MTMR6: variants seen among roughly 807,000 people sequenced by gnomAD.
The protein encoded by MTMR6 is myotubularin related protein 6.
MTMR6 carries 47 observed loss-of-function variants against 80.1 expected under a neutral mutation model. The ratio of observed to expected loss-of-function variants is 0.59; its 90% CI spans 0.46 to 0.75. The LOEUF (loss-of-function observed/expected upper bound fraction) is 0.75, where lower values mean the gene tolerates loss of function less well. Among genes scored for constraint, MTMR6 ranks in the 30% least tolerant of loss-of-function variants. MTMR6 has a pLI of 0.00. For missense variants in MTMR6, 629 were observed against 730.9 expected, an observed-to-expected ratio of 0.86 and a Z score of 1.61; for synonymous variants, 254 against 253.0, an observed-to-expected ratio of 1.00 and a Z score of -0.04.
chr13:25,254,650 G>A (rs74041002), intron 9 of MTMR6, among the ~76,000 whole-genome samples: 3,612 of 152,166 alleles, frequency 0.024, 155 homozygotes, highest in African/African-American at 0.083. Flanking sequence ...GAGTAGTTTC[G>A]TGACTTAAAT....
rs1191699282 is a variant in MTMR6 at position 25,253,790 on chromosome 13, A to G, written c.1320T>C (p.Asn440=). Reference sequence around the variant, plus strand: ...TGAGCTCTTCTCTTTCCTTCTGACAATTTCCAAGGAAGTTTCCAAACTGGC... The same window carrying G: ...TGAGCTCTTCTCTTTCCTTCTGACAGTTTCCAAGGAAGTTTCCAAACTGGC... ...HSCQFGNFLG[N]CQKEREELKL... Residue 440 remains asparagine (N), a synonymous_variant, in exon 11 of 14, where the codon AAT becomes AAC. Transcript: ENST00000381801. The G allele has an allele frequency of 6.2e-7, 1 of 1,613,938 alleles. No individual in the cohort carries two copies. Among genetic ancestry groups the G allele is most frequent in the Admixed American group, 1.7e-5 (1 of 59,990 alleles).
chr13:25,264,770 A>G (rs1037333480), intron 5 of MTMR6, among the ~76,000 whole-genome samples: 6 of 150,238 alleles, frequency 4.0e-5, no homozygotes, highest in Non-Finnish European at 7.4e-5. Context: ...AAAAAAAAAA[A>G]AAAAAGAAAT....
intron 1 of MTMR6, among the ~76,000 whole-genome samples, chr13:25,286,447 TGTC>T (rs1373609632): frequency 6.6e-6 from 1 of 152,212 alleles, no homozygotes; most frequent in Non-Finnish European, 1.5e-5. Flanking sequence ...TAAACTTAAA[TGTC>T]GTTGGAAACG....
At chr13:25,278,006 T>C (rs1003272311) in intron 1 of MTMR6, among the ~76,000 whole-genome samples, 5 of 152,230 alleles carry the variant, frequency 3.3e-5, no homozygotes, top group Non-Finnish European at 5.9e-5. Flanking sequence ...GCTGTTCATA[T>C]GAATCACCTC....
chr13:25,251,868 A>C lies in MTMR6; in HGVS notation c.1463T>G (p.Val488Gly), dbSNP rs1177235355. The stretch of plus-strand genomic sequence containing the variant: ...GTCAACTTACTTAAAATTGAAAGAT[A>C]CTGTATTTGGCTCCAAAACTGTAAA... The part of the protein sequence containing the change: ...HRFTVLEPNT[V>G]SFNFKFWRNM... The change falls in exon 12 of 14, where the codon GTA (valine) becomes GGA (glycine). Residue 488 changes from valine (V) to glycine (G), a missense_variant. By Grantham distance (109) the Val-to-Gly change is moderately radical (BLOSUM62 -3). Transcript: ENST00000381801. This position sits in a 1 kb window ranked among gnomAD's most constrained non-coding sequence, Gnocchi z 4.1. 6.2e-7 allele frequency: 1 copy of C among 1,608,006 alleles called. No homozygotes were observed. The highest frequency in any genetic ancestry group is 8.5e-7 in the Non-Finnish European group (1 of 1,178,422).
chr13:25,252,930 T>C (rs1409193237), intron 11 of MTMR6, among the ~76,000 whole-genome samples: 3 of 152,188 alleles, frequency 2.0e-5, no homozygotes, highest in Non-Finnish European at 2.9e-5. Context: ...AGCATGTGGC[T>C]ATCTTCAAAT....
At position 25,250,009 on chromosome 13, in the gene MTMR6, C is replaced by T. The variant is rs575264450; in HGVS notation, c.1606-517G>A. Among the ~76,000 whole-genome samples the T allele has an allele frequency of 1.4e-3, 208 of 152,264 alleles. 1 individual carries two copies. The highest frequency in any genetic ancestry group is 4.9e-3 in the African/African-American group (203 of 41,552). On this transcript the variant is annotated intron_variant, in intron 13 of 13. Transcript: ENST00000381801. ...TTTAAAGTGTCCTGTGGCAGAGTAT[C>T]ATGCTCTCCAAATTCTTGGACTGTC...
chr13:25,264,775 A>AAAAAG lies in MTMR6; in HGVS notation c.591+1043_591+1044insCTTTT, dbSNP rs1491106020. 1.9e-3 allele frequency among the ~76,000 whole-genome samples: 251 copies of AAAAAG among 133,664 alleles called. 2 individuals carry two copies. The highest frequency in any genetic ancestry group is 4.0e-3 in the African/African-American group (156 of 39,186). The allele number at this position is 133,664 out of a possible 152,430, so 87.7% of individuals were successfully genotyped here. On this transcript the variant is annotated intron_variant, in intron 5 of 13. Transcript: ENST00000381801. ...TCTCAAAAAAAAAAAAAAAAAAAAA[A>AAAAAG]GAAATTTCAGAACACTGGGGAAAAA...
chr13:25,267,830 C>T lies in MTMR6; in HGVS notation c.253G>A (p.Glu85Lys). ...FRTVHFIVPR[E>K]RDCHDIYNSL... is the part of the protein sequence containing the mutation. ...TTGTAAATATCATGGCAATCTCTTT[C>T]TCTGGGAACAATGAAATGCACAGTT... The change falls in exon 3 of 14, where the codon GAA becomes AAA. Residue 85 changes from glutamate (E) to lysine (K), a missense_variant. Transcript: ENST00000381801. 2 of 1,613,896 alleles carry T rather than the reference C, an allele frequency of 1.2e-6. No individual in the cohort carries two copies. The highest frequency in any genetic ancestry group is 1.7e-6 in the Non-Finnish European group (2 of 1,179,892).
chr13:25,256,907 C>G (rs1957219847), intron 9 of MTMR6, among the ~76,000 whole-genome samples: 1 of 152,130 alleles, frequency 6.6e-6, no homozygotes, highest in Non-Finnish European at 1.5e-5. Context: ...AAATCTAAAG[C>G]TTATTGTCAG....
chr13:25,250,261 A>C (rs183093698), intron 13 of MTMR6, among the ~76,000 whole-genome samples: 1 of 152,340 alleles, frequency 6.6e-6, no homozygotes, highest in East Asian at 1.9e-4. Flanking sequence ...AAAAGATTAT[A>C]GGAAAGTCTT....
At chr13:25,283,704 A>T (rs982020722) in intron 1 of MTMR6, among the ~76,000 whole-genome samples, 1 of 152,236 alleles carries the variant, frequency 6.6e-6, no homozygotes. Context: ...AGCTTAAAAA[A>T]GGTTCTTCCA....
At position 25,274,171 on chromosome 13, in the gene MTMR6, A is replaced by G. The variant is rs1284569072; in HGVS notation, c.41T>C (p.Leu14Ser). The G allele has an allele frequency of 4.4e-6, 7 of 1,606,392 alleles. No individual in the cohort carries two copies. The highest frequency in any genetic ancestry group is 6.0e-6 in the Non-Finnish European group (7 of 1,175,536). Reference sequence around the variant, plus strand: ...GTTGCTGGTACTGAATCGGTCAAGTAATTTTACTTGTTCGACCTAAAAGAA... The same window carrying G: ...GTTGCTGGTACTGAATCGGTCAAGTGATTTTACTTGTTCGACCTAAAAGAA... ...IRTTKVEQVK[L>S]LDRFSTSNKS... The change falls in exon 2 of 14, where the codon TTA becomes TCA. Residue 14 changes from leucine to serine, a missense_variant. Coordinates refer to ENST00000381801, the MANE Select transcript of MTMR6 (RefSeq NM_004685.5).
At chr13:25,261,865 T>A in intron 5 of MTMR6, 63 bp from the exon 6 acceptor site, 3 of 1,462,658 alleles carry the variant, frequency 2.1e-6, no homozygotes, top group African/African-American at 1.4e-5. Context: ...TAAAGATGCT[T>A]ACAAGAAAAA....
intron 1 of MTMR6, among the ~76,000 whole-genome samples, chr13:25,286,500 A>G (rs559884181): frequency 8.5e-5 from 13 of 152,380 alleles, no homozygotes; most frequent in African/African-American, 2.4e-4. Flanking sequence ...TTCCGTTTTT[A>G]AATTTGTAAC....
chr13:25,286,863 T>C (rs1957963481), intron 1 of MTMR6, among the ~76,000 whole-genome samples: 1 of 152,094 alleles, frequency 6.6e-6, no homozygotes, highest in Non-Finnish European at 1.5e-5. Flanking sequence ...TTGAAGACGG[T>C]TTTCCGGTTG....
rs4312169 is a variant in MTMR6, at chr13:25,251,751, T to C, written c.1503A>G (p.Gln501=). The change falls in exon 13 of 14, where the codon CAA becomes CAG. Residue 501 remains glutamine (Q), a synonymous_variant. Coordinates refer to ENST00000381801, the MANE Select transcript of MTMR6 (RefSeq NM_004685.5). This position sits in a 1 kb window ranked among gnomAD's most constrained non-coding sequence, Gnocchi z 4.1. ...NFKFWRNMYH[Q]FDRTLHPRQS... is the part of the protein sequence containing the mutation. ...GCCTAGGATGCAGTGTTCGATCAAA[T>C]TGATGGTACATGTTCCTCCAAAACC... 1,275,483 of 1,603,484 alleles carry C rather than the reference T, an allele frequency of 0.8. 519,095 individuals are homozygous for C. Among genetic ancestry groups the C allele is most frequent in the Non-Finnish European group, 0.84 (989,150 of 1,174,814 alleles).
intron 3 of MTMR6, 87 bp downstream of exon 3, chr13:25,267,692 A>C (rs866200997): frequency 1.9e-5 from 26 of 1,364,460 alleles, no homozygotes; most frequent in Middle Eastern, 2.3e-4. Context: ...AAAAAGGATA[A>C]AATAACAATA....
chr13:25,257,290 A>C lies in MTMR6; in HGVS notation c.1001T>G (p.Val334Gly). ...CCTATCCCAACCATCGGAACAATGC[A>C]CCAACACACTTGCATTTTCAACTGT... The part of the protein sequence containing the change: ...AITVENASVL[V>G]HCSDGWDRTS... Residue 334 changes from valine to glycine, a missense_variant, in exon 9 of 14, where the codon GTG becomes GGG. By Grantham distance (109) the Val-to-Gly change is moderately radical. Transcript: ENST00000381801. 6.2e-7 allele frequency: 1 copy of C among 1,613,984 alleles called. No individual in the cohort carries two copies. Among genetic ancestry groups the C allele is most frequent in the Non-Finnish European group, 8.5e-7 (1 of 1,179,896 alleles).
Sources: allele counts gnomAD v4.1 joint callset (sites outside exome capture counted in the v4.1 genomes callset), GRCh38; gene constraint gnomAD v4.1.1; non-coding constraint Gnocchi (gnomAD v3.1); transcripts MANE v1.5; gene names NCBI Gene and HGNC (gene_info 2026-07-23, HGNC 2026-07-21).